Variants in PTPRQ observed in about 807,000 individuals in gnomAD.
PTPRQ encodes protein tyrosine phosphatase receptor type Q, also known as phosphatidylinositol phosphatase PTPRQ.
In PTPRQ, 199 loss-of-function variants were observed where a neutral mutation model predicts 246.0. The observed-to-expected ratio is 0.81, with a 90% CI of 0.72 to 0.91. The LOEUF (loss-of-function observed/expected upper bound fraction) is 0.91, where lower values mean the gene tolerates loss of function less well. Ranked by LOEUF, PTPRQ falls within the 40% of genes least tolerant of loss-of-function variation. The pLI, the probability that PTPRQ is intolerant of heterozygous loss-of-function variation, is 0.00. For missense variants in PTPRQ, 2,624 were observed against 2,528.4 expected (o/e 1.04, Z -0.81); for synonymous variants, 869 against 853.2 (o/e 1.02, Z -0.32).
Position 80,652,793 on chromosome 12 carries a change from C to A in PTPRQ, c.6074C>A (p.Pro2025His). ...CTTTCTTCAACTGATGCTGATCTGC[C>A]TTGGAATAGAGCAAAAAACCGCTTC... ...QDLSSTDADLPWNRAKNRFPN... is the reference protein window; with the variant it reads ...QDLSSTDADLHWNRAKNRFPN... Residue 2025 changes from proline (P) to histidine (H), a missense_variant, in exon 38 of 45, where the codon CCT becomes CAT. Transcript: ENST00000644991. 1 of 1,514,582 alleles carries A rather than the reference C, an allele frequency of 6.6e-7. No homozygotes were observed. The highest frequency in any genetic ancestry group is 8.8e-7 in the Non-Finnish European group (1 of 1,131,836). 93.8% of individuals were successfully genotyped at this position (1,514,582 alleles called of 1,614,324 possible).
intron 25 of PTPRQ, among the ~76,000 whole-genome samples, chr12:80,584,598 G>A (rs922204764): frequency 6.6e-6 from 1 of 152,090 alleles, no homozygotes; most frequent in Admixed American, 6.6e-5. Flanking sequence ...CAGTCTTGCT[G>A]TTTGTTATTG....
chr12:80,454,817 G>T (rs1892918032), intron 3 of PTPRQ, among the ~76,000 whole-genome samples: 1 of 151,964 alleles, frequency 6.6e-6, no homozygotes, highest in African/African-American at 2.4e-5. Context: ...AACTTATAAA[G>T]GCGAAATTAT....
At chr12:80,528,230 G>A (rs1003418048) in intron 17 of PTPRQ, among the ~76,000 whole-genome samples, 3 of 152,076 alleles carry the variant, frequency 2.0e-5, no homozygotes, top group Admixed American at 6.6e-5. Context: ...TAGTTTATAA[G>A]CTTTAAAGGA....
intron 9 of PTPRQ, among the ~76,000 whole-genome samples, chr12:80,491,839 C>T (rs1380406710): frequency 6.6e-6 from 1 of 151,648 alleles, no homozygotes; most frequent in African/African-American, 2.4e-5. Context: ...GTTTTTGGCT[C>T]TCTGAGTGAA....
chr12:80,619,263 T>G, intron 30 of PTPRQ, 121 bp from the exon 31 acceptor site: 2 of 1,164,768 alleles, frequency 1.7e-6, no homozygotes, highest in East Asian at 5.2e-5. Flanking sequence ...TTCTCTATAA[T>G]TTGTTATTTA....
chr12:80,478,406 T>G (rs1051924511), intron 8 of PTPRQ, among the ~76,000 whole-genome samples: 1 of 151,160 alleles, frequency 6.6e-6, no homozygotes, highest in Non-Finnish European at 1.5e-5. Flanking sequence ...AGACCAAAAG[T>G]AGATAAAACC....
chr12:80,573,705 T>C (rs549068746), intron 25 of PTPRQ, among the ~76,000 whole-genome samples: 33 of 152,348 alleles, frequency 2.2e-4, no homozygotes, highest in East Asian at 1.5e-3. Flanking sequence ...GTGATATTCC[T>C]GATTTTATTC....
chr12:80,503,644 T>C (rs1189592985), intron 14 of PTPRQ, among the ~76,000 whole-genome samples: 1 of 151,894 alleles, frequency 6.6e-6, no homozygotes, highest in African/African-American at 2.4e-5. Flanking sequence ...AATATTTACC[T>C]ATTTAGTTTA....
intron 27 of PTPRQ, among the ~76,000 whole-genome samples, chr12:80,609,296 A>G (rs1898456929): frequency 6.6e-6 from 1 of 150,646 alleles, no homozygotes; most frequent in Non-Finnish European, 1.5e-5. Context: ...TCGCCATATT[A>G]TCAATAAAAT....
chr12:80,494,430 T>C (rs943939670), intron 10 of PTPRQ, among the ~76,000 whole-genome samples: 2 of 152,098 alleles, frequency 1.3e-5, no homozygotes, highest in Non-Finnish European at 2.9e-5. Context: ...TGGTGAAATT[T>C]GAGTCCAAAT....
At chr12:80,618,237 T>C (rs1357776228) in intron 30 of PTPRQ, among the ~76,000 whole-genome samples, 1 of 151,344 alleles carries the variant, frequency 6.6e-6, no homozygotes, top group African/African-American at 2.4e-5. Flanking sequence ...CTTTTCCCTA[T>C]CTACAAAATA....
intron 17 of PTPRQ, among the ~76,000 whole-genome samples, chr12:80,523,715 C>T (rs1308223340): frequency 6.6e-6 from 1 of 152,172 alleles, no homozygotes; most frequent in Non-Finnish European, 1.5e-5. Flanking sequence ...TTTGATTGCA[C>T]TGTGATCTGA....
At chr12:80,522,035 C>G (rs1308110213) in intron 17 of PTPRQ, among the ~76,000 whole-genome samples, 1 of 152,126 alleles carries the variant, frequency 6.6e-6, no homozygotes, top group Non-Finnish European at 1.5e-5. Context: ...TCTTTTAATT[C>G]ATTGAGCAGT....
intron 26 of PTPRQ, among the ~76,000 whole-genome samples, chr12:80,599,554 T>C (rs1459203852): frequency 6.6e-6 from 1 of 151,914 alleles, no homozygotes; most frequent in East Asian, 1.9e-4. Flanking sequence ...ATAAATGTAA[T>C]TCTGTAGCCA....
chr12:80,541,716 T>C lies in PTPRQ; in HGVS notation c.3316T>C (p.Tyr1106His), dbSNP rs991491935. 6.4e-7 allele frequency: 1 copy of C among 1,551,356 alleles called. No homozygotes were observed. Among genetic ancestry groups the C allele is most frequent in the Admixed American group, 2.0e-5 (1 of 50,982 alleles). ...PRHVRPPLVT[Y>H]ERSIYFDNLE... ...CCATGTGAGACCACCTCTTGTTACA[T>C]ATGAGAGAAGCATATATTTTGATAA... Residue 1106 changes from tyrosine to histidine, a missense_variant, in exon 21 of 45, where the codon TAT (tyrosine) becomes CAT (histidine). Coordinates refer to ENST00000644991, the MANE Select transcript of PTPRQ (RefSeq NM_001145026.2).
intron 38 of PTPRQ, among the ~76,000 whole-genome samples, 185 bp from the exon 39 acceptor site, chr12:80,657,800 G>C (rs1016556485): frequency 4.0e-5 from 6 of 151,496 alleles, no homozygotes; most frequent in African/African-American, 7.3e-5. Flanking sequence ...TATATACAAG[G>C]ACATATTAAT....
chr12:80,627,605 C>T (rs1899255804), intron 33 of PTPRQ, among the ~76,000 whole-genome samples: 1 of 151,892 alleles, frequency 6.6e-6, no homozygotes, highest in African/African-American at 2.4e-5. Flanking sequence ...ATGATAACTT[C>T]AGTCAGAAGA....
chr12:80,558,921 C>T lies in PTPRQ; in HGVS notation c.4285+9187C>T, dbSNP rs376529237. Among the ~76,000 whole-genome samples, 79 of 152,186 alleles carry T rather than the reference C, an allele frequency of 5.2e-4. 1 individual carries two copies. The highest frequency in any genetic ancestry group is 1.8e-3 in the African/African-American group (74 of 41,514). Reference sequence around the variant, plus strand: ...GCTGTTCATTACTTTTGCCCATTTCCTCATTGGATTGTTTTGTTTTATTGT... The same window carrying T: ...GCTGTTCATTACTTTTGCCCATTTCTTCATTGGATTGTTTTGTTTTATTGT... On this transcript the variant is annotated intron_variant, in intron 25 of 44. Transcript: ENST00000644991.
Position 80,467,877 on chromosome 12 carries a change from G to C in PTPRQ, c.911-833G>C, listed in dbSNP as rs1893487959. Among the ~76,000 whole-genome samples, 4 of 152,228 alleles carry C rather than the reference G, an allele frequency of 2.6e-5. No homozygotes were observed. In the South Asian group the frequency reaches 8.3e-4, roughly 32 times the overall value. On this transcript the variant is annotated intron_variant, in intron 6 of 44. Transcript: ENST00000644991. ...TGTTGTGGGGTGGGGGCAGGGGGGA[G>C]GTATAGCTTTAGGAGTTATACCTAA...
Sources: allele counts gnomAD v4.1 joint callset (sites outside exome capture counted in the v4.1 genomes callset), GRCh38; gene constraint gnomAD v4.1.1; transcripts MANE v1.5; gene names NCBI Gene and HGNC (gene_info 2026-07-23, HGNC 2026-07-21).